PDZRN3: variants seen among roughly 807,000 people sequenced by gnomAD.
PDZRN3 encodes PDZ domain containing ring finger 3.
A neutral mutation model predicts 85.7 loss-of-function variants in PDZRN3; 38 were observed. The observed-to-expected ratio is 0.44, with a 90% CI of 0.34 to 0.58. PDZRN3 has a LOEUF of 0.58. PDZRN3 is among the 20% of genes least tolerant of loss of function. The pLI, the probability that PDZRN3 is intolerant of heterozygous loss-of-function variation, is 0.01. For synonymous variants in PDZRN3, 759 were observed against 638.0 expected (o/e 1.19, Z -2.86); for missense variants, 1,629 against 1,506.4 (o/e 1.08, Z -1.35).
intron 3 of PDZRN3, among the ~76,000 whole-genome samples, chr3:73,481,555 C>T (rs920867750): frequency 1.3e-5 from 2 of 151,970 alleles, no homozygotes; most frequent in African/African-American, 4.8e-5. Flanking sequence ...GTCTCGAACT[C>T]CCGACCTCAG....
At chr3:73,486,900 A>T (rs1703673155) in intron 3 of PDZRN3, among the ~76,000 whole-genome samples, 1 of 150,854 alleles carries the variant, frequency 6.6e-6, no homozygotes, top group Non-Finnish European at 1.5e-5. Context: ...AATCAACCTA[A>T]GAAACAGCCT....
intron 3 of PDZRN3, among the ~76,000 whole-genome samples, chr3:73,483,853 G>C (rs1310430823): frequency 6.6e-6 from 1 of 152,164 alleles, no homozygotes; most frequent in African/African-American, 2.4e-5. Context: ...TGTGAAAAAG[G>C]CTGTGAAGGG....
At chr3:73,417,985 T>C (rs758936738) in intron 3 of PDZRN3, among the ~76,000 whole-genome samples, 4 of 152,204 alleles carry the variant, frequency 2.6e-5, no homozygotes, top group Admixed American at 1.3e-4. Flanking sequence ...ATTTAGAACC[T>C]ATATGAATCA....
At chr3:73,475,860 G>C (rs1476164988) in intron 3 of PDZRN3, among the ~76,000 whole-genome samples, 5 of 152,222 alleles carry the variant, frequency 3.3e-5, no homozygotes, top group Non-Finnish European at 1.5e-5. Context: ...TACCATCTCA[G>C]GATATGCAAA....
chr3:73,528,689 A>G (rs1029626763), intron 3 of PDZRN3, among the ~76,000 whole-genome samples: 2 of 152,288 alleles, frequency 1.3e-5, no homozygotes, highest in Middle Eastern at 3.4e-3. Flanking sequence ...AAGATCAAAA[A>G]AAGTAACAAA....
At chr3:73,466,849 C>T (rs1703228400) in intron 3 of PDZRN3, among the ~76,000 whole-genome samples, 1 of 152,152 alleles carries the variant, frequency 6.6e-6, no homozygotes, top group Non-Finnish European at 1.5e-5. Context: ...AAACACTAGG[C>T]AGAATGTATG....
At chr3:73,581,431 T>G (rs565602753) in intron 3 of PDZRN3, among the ~76,000 whole-genome samples, 2 of 152,352 alleles carry the variant, frequency 1.3e-5, no homozygotes, top group East Asian at 3.9e-4. Flanking sequence ...AGATTTCATT[T>G]CTATTTTATT....
At chr3:73,453,427 A>AAAC (rs1702913506) in intron 3 of PDZRN3, among the ~76,000 whole-genome samples, 1 of 149,280 alleles carries the variant, frequency 6.7e-6, no homozygotes, top group Non-Finnish European at 1.5e-5. Context: ...AAAAAAACAA[A>AAAC]AAAAAAAAAC....
intron 1 of PDZRN3, among the ~76,000 whole-genome samples, chr3:73,621,295 T>C (rs1315218045): frequency 1.3e-5 from 2 of 152,212 alleles, no homozygotes; most frequent in African/African-American, 4.8e-5. Flanking sequence ...ATTTAAAGAA[T>C]GCCACATCAT....
intron 3 of PDZRN3, among the ~76,000 whole-genome samples, chr3:73,532,846 T>C (rs1005672501): frequency 3.3e-5 from 5 of 152,220 alleles, no homozygotes; most frequent in Non-Finnish European, 5.9e-5. Flanking sequence ...TGTGGTAATG[T>C]AAGAAGCGAG....
intron 3 of PDZRN3, among the ~76,000 whole-genome samples, chr3:73,497,102 TA>T (rs1703882057): frequency 6.6e-6 from 1 of 152,118 alleles, no homozygotes; most frequent in African/African-American, 2.4e-5. Context: ...TACTACAGAG[TA>T]TTTCGGTTTG....
intron 5 of PDZRN3, among the ~76,000 whole-genome samples, chr3:73,398,735 C>T (rs1559656406): frequency 1.3e-5 from 2 of 152,188 alleles, no homozygotes; most frequent in Admixed American, 6.5e-5. Flanking sequence ...TGGCCCCAGG[C>T]TCCCAACCCT....
intron 3 of PDZRN3, among the ~76,000 whole-genome samples, chr3:73,460,241 G>A (rs1365653587): frequency 6.6e-6 from 1 of 152,136 alleles, no homozygotes; most frequent in Non-Finnish European, 1.5e-5. Flanking sequence ...AAAGAATCCT[G>A]TCACTGAAAA....
intron 2 of PDZRN3, among the ~76,000 whole-genome samples, chr3:73,605,927 A>G (rs1398142124): frequency 6.6e-6 from 1 of 152,248 alleles, no homozygotes; most frequent in Non-Finnish European, 1.5e-5. Context: ...CACCTTTTGT[A>G]AAAAAGAAAA....
chr3:73,502,907 C>A (rs1025065947), intron 3 of PDZRN3, among the ~76,000 whole-genome samples: 1 of 152,126 alleles, frequency 6.6e-6, no homozygotes, highest in Non-Finnish European at 1.5e-5. Flanking sequence ...GTGTCTTACA[C>A]AAAATACTTT....
At chr3:73,560,599 GTTGT>G (rs1283539967) in intron 3 of PDZRN3, among the ~76,000 whole-genome samples, 2 of 152,168 alleles carry the variant, frequency 1.3e-5, no homozygotes, top group Non-Finnish European at 2.9e-5. Flanking sequence ...CATTCAAAGG[GTTGT>G]TTAAATGTTT....
Position 73,383,697 on chromosome 3 carries a change from T to G in PDZRN3, c.2869A>C (p.Met957Leu), listed in dbSNP as rs1703311868. 1.9e-6 allele frequency: 3 copies of G among 1,611,548 alleles called. No homozygotes were observed. Among genetic ancestry groups the G allele is most frequent in the South Asian group, 2.2e-5 (2 of 91,078 alleles). Residue 957 changes from methionine to leucine, a missense_variant, in exon 10 of 10, where the codon ATG (methionine) becomes CTG (leucine). By Grantham distance (15) the Met-to-Leu change is conservative. Coordinates refer to ENST00000263666, the MANE Select transcript of PDZRN3 (RefSeq NM_015009.3). Reference protein sequence around the residue: ...ALKIREERSGMTTDDDAVSEM... With the variant: ...ALKIREERSGLTTDDDAVSEM... ...CTCACCGCGTCGTCGTCGGTGGTCA[T>G]GCCGCTGCGCTCTTCCCGGATCTTC...
intron 3 of PDZRN3, among the ~76,000 whole-genome samples, chr3:73,510,015 T>C (rs1704135121): frequency 1.3e-5 from 2 of 152,234 alleles, no homozygotes; most frequent in African/African-American, 4.8e-5. Flanking sequence ...CCATGACTGA[T>C]TCATCTGTCG....
At chr3:73,405,216 G>A (rs939730245) in intron 3 of PDZRN3, among the ~76,000 whole-genome samples, 2 of 152,196 alleles carry the variant, frequency 1.3e-5, no homozygotes, top group Non-Finnish European at 2.9e-5. Flanking sequence ...GTTGGACGCG[G>A]TGTCCAGGAT....
Sources: gnomAD v4.1 joint callset for allele counts (sites outside exome capture counted in the v4.1 genomes callset) on GRCh38, gnomAD v4.1.1 for gene constraint, MANE v1.5 for transcripts, NCBI Gene and HGNC (gene_info 2026-07-23, HGNC 2026-07-21) for gene names.